Variants in DLG2 observed in about 807,000 individuals in gnomAD.
DLG2 encodes disks large homolog 2.
DLG2 carries 45 observed loss-of-function variants against 132.5 expected under a neutral mutation model. The observed-to-expected ratio is 0.34, with a 90% CI of 0.27 to 0.44. DLG2 has a LOEUF of 0.44. DLG2 is among the 20% of genes least tolerant of loss of function. The pLI is 1.00. For synonymous variants in DLG2, 424 were observed against 419.6 expected (o/e 1.01, Z -0.13); for missense variants, 1,045 against 1,196.9 (o/e 0.87, Z 1.87).
At chr11:84,231,750 G>A (rs2097096768) in intron 8 of DLG2, among the ~76,000 whole-genome samples, 1 of 152,134 alleles carries the variant, frequency 6.6e-6, no homozygotes, top group African/African-American at 2.4e-5. Flanking sequence ...GGGACCATAG[G>A]TAGTTTTCTG....
chr11:84,221,697 A>G (rs2096918443), intron 8 of DLG2, among the ~76,000 whole-genome samples: 1 of 151,882 alleles, frequency 6.6e-6, no homozygotes, highest in Non-Finnish European at 1.5e-5. Flanking sequence ...ATCAGCTAAT[A>G]TTTTCTTTTA....
At position 83,786,734 on chromosome 11, in the gene DLG2, C is replaced by G. The variant is rs2040035853; in HGVS notation, c.1781G>C (p.Gly594Ala). The G allele has an allele frequency of 6.2e-7, 1 of 1,614,124 alleles. No individual in the cohort carries two copies. Among genetic ancestry groups the G allele is most frequent in the Non-Finnish European group, 8.5e-7 (1 of 1,180,034 alleles). The change falls in exon 18 of 28, where the codon GGG (glycine) becomes GCG (alanine). Residue 594 changes from glycine to alanine, a missense_variant. Gly to Ala is a moderately conservative substitution (Grantham distance 60). Around this residue, in one of 4 missense-constraint regions of DLG2, gnomAD observed 398 missense variants for 543.6 expected, o/e 0.73. Transcript: ENST00000376104. ...SHEQAAAALK[G>A]AGQTVTIIAQ... ...TATAATCGTCACTGTCTGTCCAGCCCCCTTTAGTGCAGCAGCTGCCTGCTC... is the reference window on the plus strand; with the variant it reads ...TATAATCGTCACTGTCTGTCCAGCCGCCTTTAGTGCAGCAGCTGCCTGCTC...
chr11:84,919,484 G>T (rs2092657106), intron 6 of DLG2, among the ~76,000 whole-genome samples: 1 of 152,016 alleles, frequency 6.6e-6, no homozygotes, highest in Admixed American at 6.6e-5. Flanking sequence ...TTATGCAGTA[G>T]GCAGCAGGAT....
intron 7 of DLG2, among the ~76,000 whole-genome samples, chr11:84,289,118 GA>G (rs2097950791): frequency 6.6e-6 from 1 of 151,932 alleles, no homozygotes; most frequent in Non-Finnish European, 1.5e-5. Context: ...CTTTCATAAT[GA>G]AAGGAAAACT....
intron 17 of DLG2, among the ~76,000 whole-genome samples, chr11:83,817,396 T>C (rs967694034): frequency 6.6e-6 from 1 of 152,092 alleles, no homozygotes; most frequent in African/African-American, 2.4e-5. Flanking sequence ...GGATACAATG[T>C]CAGATATAGT....
chr11:85,236,946 C>T (rs2075617852), intron 4 of DLG2, among the ~76,000 whole-genome samples: 1 of 151,982 alleles, frequency 6.6e-6, no homozygotes, highest in Non-Finnish European at 1.5e-5. Flanking sequence ...CCAAAGTTGC[C>T]AACAATCAGC....
intron 7 of DLG2, among the ~76,000 whole-genome samples, chr11:84,289,534 AG>A (rs927605181): frequency 1.9e-4 from 29 of 152,278 alleles, no homozygotes; most frequent in Admixed American, 1.2e-3. Context: ...GTATGAGTAA[AG>A]GTAATTCTTT....
At chr11:84,432,788 A>G (rs7103508) in intron 7 of DLG2, among the ~76,000 whole-genome samples, 10 of 152,088 alleles carry the variant, frequency 6.6e-5, no homozygotes, top group African/African-American at 1.9e-4. Flanking sequence ...GCACTATGGG[A>G]GGCTGAAATG....
chr11:83,916,635 CA>C (rs893745890), intron 15 of DLG2, among the ~76,000 whole-genome samples: 103 of 152,174 alleles, frequency 6.8e-4, no homozygotes, highest in African/African-American at 2.4e-3. Flanking sequence ...TTTTTAATAA[CA>C]AAACTTAAAC....
At chr11:85,118,142 G>C (rs1001218619) in intron 5 of DLG2, among the ~76,000 whole-genome samples, 8 of 151,876 alleles carry the variant, frequency 5.3e-5, no homozygotes, top group African/African-American at 1.7e-4. Flanking sequence ...ATTTTCTCAG[G>C]CTTCAAAAGA....
At chr11:85,366,965 T>C (rs2084607004) in intron 3 of DLG2, among the ~76,000 whole-genome samples, 1 of 152,144 alleles carries the variant, frequency 6.6e-6, no homozygotes, top group African/African-American at 2.4e-5. Context: ...GTTTTTCTCA[T>C]TGAATAATTT....
At chr11:85,360,769 A>G (rs2084081156) in intron 3 of DLG2, among the ~76,000 whole-genome samples, 1 of 152,160 alleles carries the variant, frequency 6.6e-6, no homozygotes, top group Non-Finnish European at 1.5e-5. Context: ...CAACTTCAAA[A>G]TTCTCTTCCA....
intron 6 of DLG2, among the ~76,000 whole-genome samples, chr11:84,862,830 T>TGGGGG (rs2083957989): frequency 2.1e-5 from 1 of 47,728 alleles, no homozygotes; most frequent in African/African-American, 8.6e-5. Flanking sequence ...GGGGGGGGGG[T>TGGGGG]GGGGGACTAG....
At chr11:83,523,199 A>G (rs1057281476) in intron 21 of DLG2, among the ~76,000 whole-genome samples, 3 of 152,226 alleles carry the variant, frequency 2.0e-5, no homozygotes, top group Non-Finnish European at 4.4e-5. Flanking sequence ...ATCAGAATTT[A>G]TTCTTTAATA....
rs1468132435 is a variant in DLG2, at chr11:84,406,563, C to T, written c.519+128007G>A. The stretch of plus-strand genomic sequence containing the variant: ...CCATATTGGCCAGGCTGGTTTTGAA[C>T]TCTTGGGCTAAAGGAATCCACTCAC... On this transcript the variant is annotated intron_variant, in intron 7 of 27. Transcript: ENST00000376104. 6.6e-5 allele frequency among the ~76,000 whole-genome samples: 10 copies of T among 152,174 alleles called. 1 individual carries two copies. The highest frequency in any genetic ancestry group is 1.3e-4 in the Non-Finnish European group (9 of 68,024).
At chr11:84,027,431 T>C (rs1478698307) in intron 11 of DLG2, among the ~76,000 whole-genome samples, 1 of 152,022 alleles carries the variant, frequency 6.6e-6, no homozygotes, top group Non-Finnish European at 1.5e-5. Flanking sequence ...TTTTTCATAA[T>C]GAATATACAA....
At chr11:84,954,865 C>A (rs1334381955) in intron 6 of DLG2, among the ~76,000 whole-genome samples, 1 of 152,104 alleles carries the variant, frequency 6.6e-6, no homozygotes, top group African/African-American at 2.4e-5. Context: ...AGCCTATGTA[C>A]CATACTGCAT....
chr11:84,881,504 A>G (rs2087329470), intron 6 of DLG2, among the ~76,000 whole-genome samples: 1 of 152,138 alleles, frequency 6.6e-6, no homozygotes, highest in African/African-American at 2.4e-5. Flanking sequence ...TGGGGTGCCA[A>G]TTCAAAGGGT....
intron 3 of DLG2, among the ~76,000 whole-genome samples, chr11:85,460,283 C>A (rs1248274572): frequency 1.3e-5 from 2 of 152,214 alleles, no homozygotes; most frequent in African/African-American, 4.8e-5. Flanking sequence ...TCATGGCTCC[C>A]AGGATTCCAT....
Sources: allele counts gnomAD v4.1 joint callset (sites outside exome capture counted in the v4.1 genomes callset), GRCh38; gene constraint gnomAD v4.1.1; regional missense constraint gnomAD v4.1.1; transcripts MANE v1.5; gene names NCBI Gene and HGNC (gene_info 2026-07-23, HGNC 2026-07-21).